The following ZC3H12B variants were observed in gnomAD, a reference collection of about 807,000 sequenced individuals.
ZC3H12B encodes the protein probable ribonuclease ZC3H12B.
A neutral mutation model predicts 43.9 loss-of-function variants in ZC3H12B; 7 were observed. The observed-to-expected ratio is 0.16, with a 90% confidence interval of 0.09 to 0.30. The LOEUF is 0.30. Among genes scored for constraint, ZC3H12B ranks in the 10% least tolerant of loss-of-function variants. ZC3H12B has a pLI of 1.00. For synonymous variants in ZC3H12B, 222 were observed against 241.7 expected, an observed-to-expected ratio of 0.92 and a Z score of 0.76; for missense variants, 475 against 670.2, an observed-to-expected ratio of 0.71 and a Z score of 3.22.
chrX:65,108,732 C>G, the ZC3H12B span, among the ~76,000 whole-genome samples: 51 of 111,177 alleles, frequency 4.6e-4, no homozygotes, highest in African/African-American at 1.6e-3. Context: ...TGTTTATTAT[C>G]ATTGTCAAAT....
At chrX:65,363,257 G>T (rs148061392), upstream of ZC3H12B, among the ~76,000 whole-genome samples, 9,119 of 110,499 alleles carry the variant, frequency 0.083, 1,017 homozygotes, top group African/African-American at 0.29. Context: ...TTCTCCAAAG[G>T]ATATCGGGTA....
At chrX:65,184,378 A>T in the ZC3H12B span, among the ~76,000 whole-genome samples, 1 of 111,456 alleles carries the variant, frequency 9.0e-6, no homozygotes, top group African/African-American at 3.3e-5. Context: ...TTTGATCTTT[A>T]GAGCAACATT....
chrX:65,115,203 C>T, the ZC3H12B span, among the ~76,000 whole-genome samples: 2 of 107,734 alleles, frequency 1.9e-5, no homozygotes, highest in Non-Finnish European at 3.8e-5. Flanking sequence ...CCCTCGCCAC[C>T]CCCCACCCTT....
the ZC3H12B span, among the ~76,000 whole-genome samples, chrX:65,169,683 G>A: frequency 8.9e-6 from 1 of 111,850 alleles, no homozygotes; most frequent in African/African-American, 3.3e-5. Flanking sequence ...CTCTTTGTAA[G>A]TCTATATGGA....
the ZC3H12B span, among the ~76,000 whole-genome samples, chrX:65,211,047 G>A: frequency 1.6e-5 from 1 of 63,816 alleles, no homozygotes; most frequent in South Asian, 9.6e-4. Flanking sequence ...ATGTGCACAT[G>A]TACCCTAAAA....
intron 2 of ZC3H12B, among the ~76,000 whole-genome samples, chrX:65,382,188 A>T (rs2066451739): frequency 9.0e-6 from 1 of 111,047 alleles, no homozygotes; most frequent in Admixed American, 9.6e-5. Context: ...ATGAACATTG[A>T]TGCAAAAATC....
the ZC3H12B span, among the ~76,000 whole-genome samples, chrX:65,202,706 A>T: frequency 9.0e-6 from 1 of 111,257 alleles, no homozygotes; most frequent in Non-Finnish European, 1.9e-5. Flanking sequence ...AAGCCAGCAC[A>T]GCATTGGATC....
At chrX:65,043,785 GAAAAT>G in the ZC3H12B span, among the ~76,000 whole-genome samples, 1 of 111,599 alleles carries the variant, frequency 9.0e-6, no homozygotes, top group African/African-American at 3.3e-5. Flanking sequence ...CATAAGAAAA[GAAAAT>G]ATTTGAAGAA....
chrX:65,051,870 G>A, the ZC3H12B span, among the ~76,000 whole-genome samples: 5 of 110,387 alleles, frequency 4.5e-5, no homozygotes, highest in Non-Finnish European at 7.6e-5. Flanking sequence ...AAACTGTCTC[G>A]GCTTAGCTGA....
intron 2 of ZC3H12B, among the ~76,000 whole-genome samples, chrX:65,384,954 G>T (rs1346586889): frequency 1.8e-5 from 2 of 112,216 alleles, no homozygotes; most frequent in African/African-American, 6.5e-5. Context: ...AGATCAGATG[G>T]TTGTAGATGT....
chrX:65,206,476 G>A, the ZC3H12B span, among the ~76,000 whole-genome samples: 3 of 111,528 alleles, frequency 2.7e-5, no homozygotes, highest in East Asian at 2.8e-4. Context: ...AGAATGAAAC[G>A]GATCCTCATC....
the ZC3H12B span, among the ~76,000 whole-genome samples, chrX:65,316,743 C>T: frequency 1.8e-5 from 2 of 111,771 alleles, no homozygotes; most frequent in African/African-American, 3.3e-5. Flanking sequence ...ACAATAAAAT[C>T]TGCATGACAA....
the ZC3H12B span, among the ~76,000 whole-genome samples, chrX:65,113,565 T>TAAA: frequency 0.11 from 11,363 of 100,679 alleles, 1,710 homozygotes; most frequent in African/African-American, 0.38. Context: ...CCTTGTTTTA[T>TAAA]AAAAAAAAAA....
chrX:65,315,761 T>C, the ZC3H12B span, among the ~76,000 whole-genome samples: 1 of 111,861 alleles, frequency 8.9e-6, no homozygotes, highest in Admixed American at 9.5e-5. Flanking sequence ...ACAGCCTGAG[T>C]GTCTTCTTAC....
At chrX:65,189,686 T>A in the ZC3H12B span, among the ~76,000 whole-genome samples, 1 of 106,647 alleles carries the variant, frequency 9.4e-6, no homozygotes, top group East Asian at 2.9e-4. Context: ...CATTGTAGAT[T>A]CTGGATATTA....
upstream of ZC3H12B, among the ~76,000 whole-genome samples, chrX:65,487,996 C>T (rs770095679): frequency 5.4e-5 from 6 of 111,799 alleles, no homozygotes; most frequent in East Asian, 1.1e-3. Context: ...CTCAGCCTCC[C>T]GAGTAGCTGG....
the ZC3H12B span, among the ~76,000 whole-genome samples, chrX:65,039,874 G>C: frequency 2.7e-5 from 3 of 111,114 alleles, no homozygotes; most frequent in African/African-American, 9.8e-5. Context: ...AGAAGGGGTT[G>C]GGTCCTTCTG....
At chrX:65,319,371 C>T in the ZC3H12B span, among the ~76,000 whole-genome samples, 1 of 111,663 alleles carries the variant, frequency 9.0e-6, no homozygotes, top group Middle Eastern at 4.6e-3. Flanking sequence ...CAAGATTGAA[C>T]CAGCAAGAGA....
intron 2 of ZC3H12B, among the ~76,000 whole-genome samples, chrX:65,379,503 G>T (rs2066403935): frequency 8.9e-6 from 1 of 112,058 alleles, no homozygotes; most frequent in Non-Finnish European, 1.9e-5. Flanking sequence ...CACAAAGATA[G>T]GGAAAAAACA....
Sources: gnomAD v4.1 joint callset for allele counts (sites outside exome capture counted in the v4.1 genomes callset) on GRCh38, gnomAD v4.1.1 for gene constraint, MANE v1.5 for transcripts, NCBI Gene and HGNC (gene_info 2026-07-23, HGNC 2026-07-21) for gene names.